The following PUDP variants were observed in gnomAD, a reference collection of about 807,000 sequenced individuals.
PUDP encodes pseudouridine 5'-phosphatase.
PUDP carries 8 observed loss-of-function variants against 9.4 expected under a neutral mutation model. That is an observed-to-expected ratio of 0.85 (90% CI 0.50 to 1.53). PUDP has a LOEUF of 1.53. Among genes scored for constraint, PUDP ranks in the 40% most tolerant of loss-of-function variants. The probability of loss-of-function intolerance (pLI) is 0.00; values close to 1 mark genes in which losing one functional copy is unlikely to be tolerated. For missense variants in PUDP, 188 were observed against 189.7 expected (o/e 0.99, Z 0.05); for synonymous variants, 99 against 80.7 (o/e 1.23, Z -1.22).
At chrX:6,708,005 C>A (rs1290112014) in intron 1 of PUDP, among the ~76,000 whole-genome samples, 1 of 111,880 alleles carries the variant, frequency 8.9e-6, no homozygotes, top group African/African-American at 3.3e-5. Flanking sequence ...TCCTTTAAAG[C>A]AAGAAACTTG....
chrX:7,087,097 A>G (rs1334293363), intron 2 of PUDP, among the ~76,000 whole-genome samples: 1 of 111,918 alleles, frequency 8.9e-6, no homozygotes, highest in Non-Finnish European at 1.9e-5. Context: ...TGCTCTCCCC[A>G]CAAAATTCAT....
intron 3 of PUDP, among the ~76,000 whole-genome samples, chrX:6,897,912 C>T (rs1381140741): frequency 1.8e-5 from 2 of 111,786 alleles, no homozygotes; most frequent in African/African-American, 6.5e-5. Flanking sequence ...ACAGCATCTC[C>T]TCTGCAAAAA....
intron 3 of PUDP, among the ~76,000 whole-genome samples, chrX:6,829,175 ACTGTGAG>A (rs1192648101): frequency 9.0e-6 from 1 of 111,401 alleles, no homozygotes; most frequent in Non-Finnish European, 1.9e-5. Flanking sequence ...AGCCTCCAGG[ACTGTGAG>A]CAATAAATTT....
rs751820209 is a variant in PUDP at position 7,105,660 on chromosome X, C to T, written c.240G>A (p.Thr80=). 6 of 1,208,105 alleles carry T rather than the reference C, an allele frequency of 5.0e-6. No individual in the cohort carries two copies. The highest frequency in any genetic ancestry group is 3.5e-5 in the South Asian group (2 of 56,379). Residue 80 remains threonine, a synonymous_variant, in exon 2 of 4, where the codon ACG becomes ACA. Transcript: ENST00000381077. Reference sequence around the variant, plus strand: ...CCGTGGGGAACACTTCCTTTAACTTCGTTTGGCTTTCTTCCACCAGCTCCT... The same window carrying T: ...CCGTGGGGAACACTTCCTTTAACTTTGTTTGGCTTTCTTCCACCAGCTCCT... ...SKEELVEESQ[T]KLKEVFPTAA...
In PUDP at chrX:7,106,240, G is replaced by T. The variant is rs749301732; in HGVS notation, c.62-402C>A. 2.7e-5 allele frequency among the ~76,000 whole-genome samples: 3 copies of T among 112,820 alleles called. No individual in the cohort carries two copies. The South Asian group carries it at 1.1e-3, about 41-fold the overall frequency. ...ACCAGCTGACAAAGTCCACTGCATG[G>T]CCCACTAGTATTAAGGACATTTCCA... On this transcript the variant is annotated intron_variant, in intron 1 of 3. Transcript: ENST00000381077.
At chrX:6,781,279 A>G (rs1215358391) in intron 3 of PUDP, among the ~76,000 whole-genome samples, 1 of 111,459 alleles carries the variant, frequency 9.0e-6, no homozygotes, top group Non-Finnish European at 1.9e-5. Flanking sequence ...TGATATTCTA[A>G]TATGTCCAGG....
chrX:7,079,533 G>A (rs776363718), intron 2 of PUDP, among the ~76,000 whole-genome samples: 2 of 112,661 alleles, frequency 1.8e-5, no homozygotes, highest in East Asian at 2.8e-4. Flanking sequence ...TTAAGTGCAC[G>A]TGGAACATTC....
intron 2 of PUDP, among the ~76,000 whole-genome samples, chrX:6,977,651 T>G (rs1602698853): frequency 8.9e-6 from 1 of 112,117 alleles, no homozygotes; most frequent in East Asian, 2.8e-4. Flanking sequence ...ACCTGGGACC[T>G]CTGCTTAGGT....
rs1930628390 is a variant in PUDP, at chrX:7,068,318, A to G, written c.510+8902T>C. On this transcript the variant is annotated intron_variant, in intron 3 of 3. Transcript: ENST00000381077. ...AAATGGCACGTACACGAAAGGTTCAATAAAAGCTTACAGAGGGGAATTGAG... is the reference window on the plus strand; with the variant it reads ...AAATGGCACGTACACGAAAGGTTCAGTAAAAGCTTACAGAGGGGAATTGAG... Among the ~76,000 whole-genome samples the G allele has an allele frequency of 3.6e-5, 4 of 112,476 alleles. No individual in the cohort carries two copies. In the South Asian group the frequency reaches 1.5e-3, roughly 42 times the overall value.
At chrX:6,969,100 C>A (rs1047786369) in intron 3 of PUDP, among the ~76,000 whole-genome samples, 2 of 112,485 alleles carry the variant, frequency 1.8e-5, no homozygotes, top group South Asian at 7.4e-4. Flanking sequence ...GGGGGCCAAG[C>A]CTCTCTAAAC....
chrX:6,930,626 A>G (rs1928174871), intron 3 of PUDP, among the ~76,000 whole-genome samples: 1 of 111,630 alleles, frequency 9.0e-6, no homozygotes, highest in Non-Finnish European at 1.9e-5. Flanking sequence ...CCATAAAAAT[A>G]GCCAACCAGC....
chrX:6,793,358 C>A (rs751817163), intron 3 of PUDP, among the ~76,000 whole-genome samples: 2 of 111,676 alleles, frequency 1.8e-5, no homozygotes, highest in Non-Finnish European at 3.8e-5. Flanking sequence ...GAGGATGGAG[C>A]TCACATGACC....
At chrX:6,934,845 G>A (rs1928270014) in intron 3 of PUDP, among the ~76,000 whole-genome samples, 1 of 91,313 alleles carries the variant, frequency 1.1e-5, no homozygotes, top group South Asian at 6.2e-4. Flanking sequence ...AGTCTCTGAT[G>A]AAACAGACTT....
At chrX:6,712,142 A>G (rs1183766514) in intron 1 of PUDP, among the ~76,000 whole-genome samples, 1 of 111,367 alleles carries the variant, frequency 9.0e-6, no homozygotes, top group Admixed American at 9.6e-5. Context: ...TTTAATATTT[A>G]TCTATTTATT....
intron 3 of PUDP, among the ~76,000 whole-genome samples, chrX:6,805,111 A>G (rs1417825298): frequency 9.1e-6 from 1 of 110,049 alleles, no homozygotes; most frequent in Non-Finnish European, 1.9e-5. Context: ...TACAAAAAAT[A>G]TCAAAAAAAT....
At chrX:7,034,537 A>G (rs984767870) in intron 1 of PUDP, among the ~76,000 whole-genome samples, 1 of 112,037 alleles carries the variant, frequency 8.9e-6, no homozygotes, top group African/African-American at 3.2e-5. Flanking sequence ...TTATTATTGT[A>G]GAGTCTTGTG....
intron 3 of PUDP, among the ~76,000 whole-genome samples, chrX:6,942,916 G>A (rs892890678): frequency 8.0e-5 from 9 of 112,335 alleles, no homozygotes; most frequent in African/African-American, 2.9e-4. Context: ...TAGAGGGACC[G>A]TGGTCCTGCT....
At chrX:6,876,547 AAC>A (rs1927256931) in intron 3 of PUDP, among the ~76,000 whole-genome samples, 1 of 109,413 alleles carries the variant, frequency 9.1e-6, no homozygotes, top group Non-Finnish European at 1.9e-5. Context: ...TATATGTATA[AAC>A]ACACACATAC....
At chrX:6,916,051 A>G (rs1266727235) in intron 3 of PUDP, among the ~76,000 whole-genome samples, 1 of 111,015 alleles carries the variant, frequency 9.0e-6, no homozygotes, top group African/African-American at 3.3e-5. Flanking sequence ...GTTTTGCTCT[A>G]TTCCCAGTGT....
Sources: gnomAD v4.1 joint callset for allele counts (sites outside exome capture counted in the v4.1 genomes callset) on GRCh38, gnomAD v4.1.1 for gene constraint, MANE v1.5 for transcripts, NCBI Gene and HGNC (gene_info 2026-07-23, HGNC 2026-07-21) for gene names.